Variants in ABI1 observed in about 807,000 individuals in gnomAD.
ABI1 encodes the protein Abelson interactor 1.
A neutral mutation model predicts 54.6 loss-of-function variants in ABI1; 14 were observed. The ratio of observed to expected loss-of-function variants is 0.26; its 90% CI spans 0.17 to 0.40. ABI1 has a LOEUF of 0.40. ABI1 is among the 10% of genes least tolerant of loss of function. The pLI is 1.00. For missense variants in ABI1, 443 were observed against 598.3 expected (o/e 0.74, Z 2.71); for synonymous variants, 194 against 209.3 (o/e 0.93, Z 0.63).
chr10:26,835,779 T>A (rs201493902), intron 1 of ABI1, among the ~76,000 whole-genome samples: 40,360 of 146,358 alleles, frequency 0.28, 6,357 homozygotes, highest in African/African-American at 0.45. Flanking sequence ...TTACTAATAT[T>A]TTTTTTTTTT....
At chr10:26,802,589 G>A (rs750675861) in intron 2 of ABI1, among the ~76,000 whole-genome samples, 1 of 152,122 alleles carries the variant, frequency 6.6e-6, no homozygotes, top group Non-Finnish European at 1.5e-5. Context: ...ACATACAAAG[G>A]AAGTAAACAC....
intron 1 of ABI1, among the ~76,000 whole-genome samples, chr10:26,836,213 A>G (rs10829088): frequency 0.18 from 28,084 of 151,826 alleles, 3,344 homozygotes; most frequent in African/African-American, 0.33. Context: ...CCCAGGTTCA[A>G]GCGATTCTCC....
chr10:26,789,934 T>G (rs767323287), intron 2 of ABI1, among the ~76,000 whole-genome samples: 1 of 152,210 alleles, frequency 6.6e-6, no homozygotes, highest in Non-Finnish European at 1.5e-5. Flanking sequence ...TCCAGCTCCA[T>G]CCATGTCCCT....
rs1355754345 is a variant in ABI1 at position 26,751,680 on chromosome 10, A to G, written c.1188T>C (p.Asp396=). Residue 396 remains aspartate (D), a synonymous_variant, in exon 10 of 11, where the codon GAT becomes GAC. Transcript: ENST00000376140. ...PPPPPPVDYE[D]EEAAVVQYND... is the part of the protein sequence containing the mutation. ...TATACTGAACTACTGCAGCCTCCTC[A>G]TCTTCATAATCCACTGGTGGTGGTG... The G allele has an allele frequency of 1.2e-6, 2 of 1,613,832 alleles. No individual in the cohort carries two copies. The highest frequency in any genetic ancestry group is 3.3e-5 in the Admixed American group (2 of 59,982).
intron 2 of ABI1, among the ~76,000 whole-genome samples, chr10:26,789,626 TTTTTAAC>T (rs1843163501): frequency 1.3e-5 from 2 of 152,208 alleles, no homozygotes; most frequent in South Asian, 2.1e-4. Flanking sequence ...TTTTATGTTT[TTTTTAAC>T]TTTTAAGTTC....
At chr10:26,755,539 C>T (rs1009677855) in intron 9 of ABI1, 116 bp downstream of exon 9, 2 of 775,534 alleles carry the variant, frequency 2.6e-6, no homozygotes, top group African/African-American at 3.4e-5. Flanking sequence ...ATGTCTGCAC[C>T]TATTTTCAAG....
At chr10:26,798,927 A>G (rs960390315) in intron 2 of ABI1, among the ~76,000 whole-genome samples, 12 of 151,258 alleles carry the variant, frequency 7.9e-5, no homozygotes, top group African/African-American at 2.9e-4. Flanking sequence ...AGCAGGAGTC[A>G]GCATGTACAC....
At chr10:26,848,071 C>G (rs1251998016) in intron 1 of ABI1, among the ~76,000 whole-genome samples, 1 of 151,822 alleles carries the variant, frequency 6.6e-6, no homozygotes, top group Non-Finnish European at 1.5e-5. Context: ...CACGGTGGCA[C>G]ACCTGTAATT....
chr10:26,812,789 T>C (rs10829071), intron 2 of ABI1, among the ~76,000 whole-genome samples: 87,306 of 152,000 alleles, frequency 0.57, 27,258 homozygotes, highest in African/African-American at 0.83. Flanking sequence ...CTAGGGCCTA[T>C]TCTGTAACCT....
intron 2 of ABI1, among the ~76,000 whole-genome samples, chr10:26,800,990 G>C (rs1478485337): frequency 2.0e-5 from 3 of 152,204 alleles, no homozygotes; most frequent in African/African-American, 7.2e-5. Context: ...TGGGCAACAA[G>C]AGCAAAACTC....
At chr10:26,855,730 G>A (rs562605526) in intron 1 of ABI1, among the ~76,000 whole-genome samples, 1 of 152,248 alleles carries the variant, frequency 6.6e-6, no homozygotes, top group East Asian at 1.9e-4. Context: ...CAGCACTTTG[G>A]GAGGCCAAGG....
At chr10:26,832,833 A>G (rs17669895) in intron 1 of ABI1, among the ~76,000 whole-genome samples, 20,989 of 152,098 alleles carry the variant, frequency 0.14, 1,924 homozygotes, top group Admixed American at 0.2. Context: ...AAAAGAGCAC[A>G]TGGGCCAAAT....
At chr10:26,833,848 T>A (rs1365059052) in intron 1 of ABI1, among the ~76,000 whole-genome samples, 3 of 152,066 alleles carry the variant, frequency 2.0e-5, no homozygotes, top group African/African-American at 7.2e-5. Flanking sequence ...AAAAAATCTG[T>A]ATGTTCAAGG....
chr10:26,821,428 A>G (rs2047977464), intron 2 of ABI1, among the ~76,000 whole-genome samples: 1 of 152,128 alleles, frequency 6.6e-6, no homozygotes, highest in African/African-American at 2.4e-5. Context: ...TTAGTTTAAA[A>G]AAGAAAGATG....
chr10:26,821,589 G>A (rs1238745545), intron 2 of ABI1, among the ~76,000 whole-genome samples: 2 of 152,166 alleles, frequency 1.3e-5, no homozygotes, highest in Non-Finnish European at 2.9e-5. Flanking sequence ...CTTGAGATCA[G>A]GAATTCAAGA....
chr10:26,823,207 T>C lies in ABI1; in HGVS notation c.216A>G (p.Val72=), dbSNP rs759168273. Residue 72 remains valine, a synonymous_variant, in exon 2 of 11, where the codon GTA becomes GTG. Transcript: ENST00000376140. ...AYQINALANN[V]LQLLDIQASQ... is the part of the protein sequence containing the mutation. Reference sequence around the variant, plus strand: ...AGGCTTGGATATCCAGCAACTGGAGTACATTGTTGGCCAATGCATTTATTT... The same window carrying C: ...AGGCTTGGATATCCAGCAACTGGAGCACATTGTTGGCCAATGCATTTATTT... 21 of 1,605,816 alleles carry C rather than the reference T, an allele frequency of 1.3e-5. No individual in the cohort carries two copies. Among genetic ancestry groups the C allele is most frequent in the Non-Finnish European group, 1.7e-5 (20 of 1,177,460 alleles).
In ABI1 at chr10:26,860,916, G is replaced by C. The variant is rs914120902; in HGVS notation, c.-53C>G. 4.6e-5 allele frequency: 70 copies of C among 1,537,316 alleles called. No homozygotes were observed. Among genetic ancestry groups the C allele is most frequent in the Non-Finnish European group, 5.9e-5 (66 of 1,112,866 alleles). On this transcript the variant is annotated 5_prime_UTR_variant, in exon 1 of 11. Coordinates refer to ENST00000376140, the MANE Select transcript of ABI1 (RefSeq NM_001012750.3). This position sits in a 1 kb window ranked among gnomAD's most constrained non-coding sequence, Gnocchi z 4.1. ...CGCGTTAAAGAGACAGAGGCAGCAA[G>C]GTCCGCCGAGGCTCCGAGCACCTCA...
chr10:26,848,051 A>C (rs532633192), intron 1 of ABI1, among the ~76,000 whole-genome samples: 111 of 152,000 alleles, frequency 7.3e-4, no homozygotes, highest in African/African-American at 2.5e-3. Context: ...TACCCAAAAA[A>C]TTAGCTGGGC....
At chr10:26,771,110 G>T (rs1279423291) in intron 3 of ABI1, 21 bp from the exon 4 acceptor site, 2 of 1,613,282 alleles carry the variant, frequency 1.2e-6, no homozygotes, top group African/African-American at 1.3e-5. Flanking sequence ...GCAAAAAAAG[G>T]GGGGGAAAAA....
Sources: allele counts gnomAD v4.1 joint callset (sites outside exome capture counted in the v4.1 genomes callset), GRCh38; gene constraint gnomAD v4.1.1; non-coding constraint Gnocchi (gnomAD v3.1); transcripts MANE v1.5; gene names NCBI Gene and HGNC (gene_info 2026-07-23, HGNC 2026-07-21).